The following XKR6 variants were observed in gnomAD, a reference collection of about 807,000 sequenced individuals.
XKR6 encodes XK related 6.
XKR6 carries 22 observed loss-of-function variants against 56.7 expected under a neutral mutation model. The observed-to-expected ratio is 0.39, with a 90% CI of 0.28 to 0.55. XKR6 has a LOEUF of 0.55. Ranked by LOEUF, XKR6 falls within the 20% of genes least tolerant of loss-of-function variation. The pLI, the probability that XKR6 is intolerant of heterozygous loss-of-function variation, is 0.66. For synonymous variants in XKR6, 524 were observed against 387.8 expected (o/e 1.35, Z -4.13); for missense variants, 852 against 889.0 (o/e 0.96, Z 0.53).
intron 1 of XKR6, among the ~76,000 whole-genome samples, chr8:11,018,222 C>G (rs1224974168): frequency 1.3e-5 from 2 of 151,792 alleles, no homozygotes; most frequent in Non-Finnish European, 2.9e-5. Flanking sequence ...TCCCAACTCC[C>G]TCCCTGCCAT....
chr8:11,169,094 G>C (rs1160671934), intron 1 of XKR6, among the ~76,000 whole-genome samples: 3 of 152,174 alleles, frequency 2.0e-5, no homozygotes, highest in African/African-American at 7.2e-5. Flanking sequence ...GCCAAGCTGA[G>C]TAGGCTTTCT....
chr8:11,097,134 T>C (rs1466379688), intron 1 of XKR6, among the ~76,000 whole-genome samples: 1 of 152,236 alleles, frequency 6.6e-6, no homozygotes, highest in African/African-American at 2.4e-5. Context: ...ACTTGCCATC[T>C]GACATGGCAA....
intron 2 of XKR6, among the ~76,000 whole-genome samples, chr8:10,899,818 C>T (rs1265309350): frequency 3.3e-5 from 5 of 152,156 alleles, no homozygotes; most frequent in African/African-American, 1.2e-4. Context: ...TGTGCCTAAT[C>T]CCAAGTCATA....
intron 1 of XKR6, among the ~76,000 whole-genome samples, chr8:10,975,113 C>T (rs1023764404): frequency 1.3e-5 from 2 of 152,200 alleles, no homozygotes; most frequent in Non-Finnish European, 2.9e-5. Flanking sequence ...ACAGTCCTTG[C>T]TGCCCTGATG....
intron 2 of XKR6, among the ~76,000 whole-genome samples, chr8:10,917,766 G>C (rs1265980635): frequency 6.6e-6 from 1 of 152,194 alleles, no homozygotes; most frequent in African/African-American, 2.4e-5. Context: ...GAAATGTAGG[G>C]CACTGAGTTT....
chr8:11,020,708 C>T (rs1391975096), intron 1 of XKR6, among the ~76,000 whole-genome samples: 4 of 152,202 alleles, frequency 2.6e-5, no homozygotes, highest in Admixed American at 2.6e-4. Flanking sequence ...TTCAGGTCAA[C>T]TTTGAACTCT....
At chr8:11,114,505 G>A (rs907643329) in intron 1 of XKR6, among the ~76,000 whole-genome samples, 21 of 152,182 alleles carry the variant, frequency 1.4e-4, no homozygotes, top group East Asian at 3.9e-4. Flanking sequence ...GAGATTACAG[G>A]TGCCCACCAC....
intron 1 of XKR6, among the ~76,000 whole-genome samples, chr8:11,193,737 G>GAC (rs1803710424): frequency 1.2e-5 from 1 of 83,148 alleles, no homozygotes; most frequent in African/African-American, 4.8e-5. Context: ...TTAAGGTTCT[G>GAC]ACCCCCCCCC....
At chr8:11,151,776 CT>C (rs922561992) in intron 1 of XKR6, among the ~76,000 whole-genome samples, 5 of 152,046 alleles carry the variant, frequency 3.3e-5, no homozygotes, top group Admixed American at 2.6e-4. Flanking sequence ...CCCGCTCCGC[CT>C]TTTAAAATGC....
chr8:11,070,896 C>A (rs1440121726), intron 1 of XKR6, among the ~76,000 whole-genome samples: 1 of 152,184 alleles, frequency 6.6e-6, no homozygotes, highest in African/African-American at 2.4e-5. Context: ...GCTGAACCCA[C>A]CAGACCAAGA....
At chr8:11,127,148 G>C (rs938055020) in intron 1 of XKR6, among the ~76,000 whole-genome samples, 1 of 152,024 alleles carries the variant, frequency 6.6e-6, no homozygotes, top group Non-Finnish European at 1.5e-5. Context: ...ACTCCCTTCC[G>C]GCAATCCCAC....
intron 1 of XKR6, among the ~76,000 whole-genome samples, chr8:11,067,714 A>C (rs1800017235): frequency 6.6e-6 from 1 of 152,192 alleles, no homozygotes; most frequent in South Asian, 2.1e-4. Flanking sequence ...CCCCCTCCCC[A>C]AACTCCCTGA....
At chr8:11,110,789 T>C (rs1429754120) in intron 1 of XKR6, among the ~76,000 whole-genome samples, 1 of 152,064 alleles carries the variant, frequency 6.6e-6, no homozygotes. Context: ...ATTCTGAAAG[T>C]AGCCCACAGT....
chr8:11,162,129 G>A (rs893654460), intron 1 of XKR6, among the ~76,000 whole-genome samples: 3 of 152,164 alleles, frequency 2.0e-5, no homozygotes, highest in Non-Finnish European at 4.4e-5. Flanking sequence ...CTTACACAGG[G>A]ACCCACCTAA....
chr8:11,044,916 C>T (rs1799370573), intron 1 of XKR6, among the ~76,000 whole-genome samples: 1 of 151,864 alleles, frequency 6.6e-6, no homozygotes, highest in Admixed American at 6.6e-5. Context: ...CTGCACCCAG[C>T]CAATTTTCTC....
At chr8:11,097,807 C>CAA (rs1196874380) in intron 1 of XKR6, among the ~76,000 whole-genome samples, 1,770 of 62,808 alleles carry the variant, frequency 0.028, 104 homozygotes, top group African/African-American at 0.078. Context: ...GACTCCATCT[C>CAA]AAAAAAAAAA....
intron 1 of XKR6, among the ~76,000 whole-genome samples, chr8:11,103,578 CA>C (rs1337556653): frequency 2.0e-5 from 3 of 152,128 alleles, no homozygotes; most frequent in Non-Finnish European, 2.9e-5. Context: ...TTTCTAAGGT[CA>C]AAATGGGGCT....
chr8:11,148,670 T>A (rs896453853), intron 1 of XKR6, among the ~76,000 whole-genome samples: 1 of 151,892 alleles, frequency 6.6e-6, no homozygotes, highest in Non-Finnish European at 1.5e-5. Context: ...GCTATTCCAC[T>A]CCTAGGTATT....
At chr8:11,150,624 G>C (rs559681274) in intron 1 of XKR6, among the ~76,000 whole-genome samples, 2 of 151,974 alleles carry the variant, frequency 1.3e-5, no homozygotes, top group Non-Finnish European at 2.9e-5. Flanking sequence ...AGGCCAAGGC[G>C]GGTGGATCAC....
Sources: allele counts gnomAD v4.1 joint callset (sites outside exome capture counted in the v4.1 genomes callset), GRCh38; gene constraint gnomAD v4.1.1; transcripts MANE v1.5; gene names NCBI Gene and HGNC (gene_info 2026-07-23, HGNC 2026-07-21).